The following KCTD3 variants were observed in gnomAD, a reference collection of about 807,000 sequenced individuals.
KCTD3 encodes BTB/POZ domain-containing protein KCTD3.
A neutral mutation model predicts 85.8 loss-of-function variants in KCTD3; 41 were observed. That is an observed-to-expected ratio of 0.48 (90% CI 0.37 to 0.62). The LOEUF (loss-of-function observed/expected upper bound fraction) is 0.62. KCTD3 is among the 20% of genes least tolerant of loss of function. The pLI is 0.00. For synonymous variants in KCTD3, 338 were observed against 345.4 expected, an observed-to-expected ratio of 0.98 and a Z score of 0.24; for missense variants, 724 against 989.9, an observed-to-expected ratio of 0.73 and a Z score of 3.60.
intron 8 of KCTD3, among the ~76,000 whole-genome samples, chr1:215,584,431 A>G (rs1250341606): frequency 6.6e-6 from 1 of 152,196 alleles, no homozygotes; most frequent in African/African-American, 2.4e-5. Context: ...ATTGACTTTG[A>G]TAGAACTTTG....
chr1:215,587,051 A>G (rs1424744799), intron 9 of KCTD3, among the ~76,000 whole-genome samples: 1 of 152,042 alleles, frequency 6.6e-6, no homozygotes, highest in African/African-American at 2.4e-5. Context: ...GACATTCCCA[A>G]ACTTTTTGGT....
At chr1:215,601,189 G>A (rs985165236) in intron 10 of KCTD3, among the ~76,000 whole-genome samples, 5 of 142,460 alleles carry the variant, frequency 3.5e-5, no homozygotes, top group Non-Finnish European at 7.4e-5. Flanking sequence ...TGCCTGCCTC[G>A]GCAGGTTTCT....
intron 9 of KCTD3, among the ~76,000 whole-genome samples, chr1:215,590,426 CT>C (rs1423156404): frequency 1.3e-5 from 2 of 152,058 alleles, no homozygotes; most frequent in Non-Finnish European, 2.9e-5. Context: ...CTGTACCTGT[CT>C]CCCTTCCTCT....
At chr1:215,585,329 A>C (rs1435209023) in intron 8 of KCTD3, among the ~76,000 whole-genome samples, 1 of 152,176 alleles carries the variant, frequency 6.6e-6, no homozygotes, top group Non-Finnish European at 1.5e-5. Context: ...ATTTTTCTCT[A>C]TTGCTTTGAA....
rs566097583 is a variant in KCTD3, at chr1:215,608,051, A to G, written c.1344A>G (p.Thr448=). ...ATAATAATCATGTCCGGACGTGGAC[A>G]GTAACACGATTCAGAGGAATGATCT... ...CADNNHVRTW[T]VTRFRGMIST... Residue 448 remains threonine, a synonymous_variant, in exon 14 of 18, where the codon ACA becomes ACG. Coordinates refer to ENST00000259154, the MANE Select transcript of KCTD3 (RefSeq NM_016121.5). 2 of 1,611,918 alleles carry G rather than the reference A, an allele frequency of 1.2e-6. No homozygotes were observed. Among genetic ancestry groups the G allele is most frequent in the African/African-American group, 1.3e-5 (1 of 74,938 alleles).
intron 8 of KCTD3, among the ~76,000 whole-genome samples, chr1:215,583,431 G>A (rs550789714): frequency 1.3e-5 from 2 of 152,324 alleles, no homozygotes; most frequent in African/African-American, 4.8e-5. Context: ...AGCGTATAAT[G>A]AGCAGTGAGG....
intron 15 of KCTD3, among the ~76,000 whole-genome samples, chr1:215,616,171 G>A (rs192246985): frequency 4.9e-4 from 74 of 152,256 alleles, no homozygotes; most frequent in African/African-American, 1.7e-3. Context: ...GCTTCTGAGG[G>A]TATTTTCTGA....
intron 9 of KCTD3, among the ~76,000 whole-genome samples, chr1:215,592,686 G>T (rs1049029122): frequency 6.6e-6 from 1 of 152,154 alleles, no homozygotes; most frequent in Non-Finnish European, 1.5e-5. Flanking sequence ...TGTAAAAGGA[G>T]CCATTTGTTG....
chr1:215,620,481 C>T lies in KCTD3; in HGVS notation c.2311C>T (p.Pro771Ser), dbSNP rs1655628596. ...AGGATTCCTTGGAAGAAAGAAAGTT[C>T]CCTATCTGGCGTCATCACCAAGTAC... ...GGGFLGRKKV[P>S]YLASSPSTSD... The change falls in exon 18 of 18, where the codon CCC becomes TCC. Residue 771 changes from proline (P) to serine (S), a missense_variant. Physicochemically the swap from Pro to Ser is moderately conservative, Grantham distance 74 (BLOSUM62 -1). This residue lies in a region of KCTD3 where 222 missense variants were observed against 217.7 expected (regional missense o/e 1.02). Transcript: ENST00000259154. The T allele has an allele frequency of 1.1e-5, 18 of 1,613,606 alleles. No homozygotes were observed. Among genetic ancestry groups the T allele is most frequent in the Non-Finnish European group, 1.5e-5 (18 of 1,179,594 alleles).
chr1:215,580,302 TATATAATG>T (rs1203000504), intron 8 of KCTD3, among the ~76,000 whole-genome samples: 1 of 152,206 alleles, frequency 6.6e-6, no homozygotes, highest in Admixed American at 6.5e-5. Context: ...GAGACTGTAG[TATATAATG>T]ATGTTAGACA....
chr1:215,590,932 C>T (rs1660181618), intron 9 of KCTD3, among the ~76,000 whole-genome samples: 1 of 152,124 alleles, frequency 6.6e-6, no homozygotes, highest in Admixed American at 6.5e-5. Context: ...GAGCTTTGTT[C>T]TGGCAGGCAA....
intron 9 of KCTD3, among the ~76,000 whole-genome samples, chr1:215,591,868 C>G (rs192216690): frequency 1.3e-4 from 20 of 152,282 alleles, no homozygotes; most frequent in Admixed American, 1.3e-3. Context: ...TCCGTTTTCA[C>G]ACTGCTGATA....
chr1:215,587,123 C>CT (rs968325742), intron 9 of KCTD3, among the ~76,000 whole-genome samples: 2 of 150,508 alleles, frequency 1.3e-5, no homozygotes, highest in Admixed American at 6.6e-5. Flanking sequence ...AGGTTATTTT[C>CT]TTTTTTTTCC....
chr1:215,574,067 T>A lies in KCTD3; in HGVS notation c.138-6T>A. 4 of 1,583,986 alleles carry A rather than the reference T, an allele frequency of 2.5e-6. No homozygotes were observed. The highest frequency in any genetic ancestry group is 3.5e-6 in the Non-Finnish European group (4 of 1,158,102). The stretch of plus-strand genomic sequence containing the variant: ...AAACTAACTTTAGATTATTAATGAC[T>A]TCCAGTTTGCTGAGTGGGAGAATTT... On this transcript the variant is annotated splice_region_variant and splice_polypyrimidine_tract_variant and intron_variant, in intron 2 of 17. Transcript: ENST00000259154.
At position 215,608,135 on chromosome 1, in the gene KCTD3, A is replaced by G; in HGVS notation, c.1428A>G (p.Thr476=). Residue 476 remains threonine (T), a synonymous_variant, in exon 14 of 18, where the codon ACA becomes ACG. Coordinates refer to ENST00000259154, the MANE Select transcript of KCTD3 (RefSeq NM_016121.5). The stretch of plus-strand genomic sequence containing the variant: ...TCAAGATACTATCCCTGGAGGAGAC[A>G]GAAAGTCATGGTAGCTATTCCTCTG... ...ASFKILSLEE[T]ESHGSYSSGN... 1 of 1,611,568 alleles carries G rather than the reference A, an allele frequency of 6.2e-7. No homozygotes were observed. The highest frequency in any genetic ancestry group is 1.3e-5 in the African/African-American group (1 of 74,924).
intron 8 of KCTD3, among the ~76,000 whole-genome samples, chr1:215,583,981 A>T (rs1481112526): frequency 1.3e-5 from 2 of 152,248 alleles, no homozygotes; most frequent in Admixed American, 1.3e-4. Context: ...AAGTAAAATT[A>T]TCCCAAGTAA....
chr1:215,597,260 CTT>C (rs941776283), intron 10 of KCTD3, among the ~76,000 whole-genome samples: 4 of 150,378 alleles, frequency 2.7e-5, no homozygotes, highest in African/African-American at 9.8e-5. Context: ...GTTTCAGTTT[CTT>C]GTTTCCTTTT....
intron 10 of KCTD3, among the ~76,000 whole-genome samples, chr1:215,595,894 G>A (rs552581878): frequency 1.3e-5 from 2 of 152,092 alleles, no homozygotes; most frequent in Non-Finnish European, 2.9e-5. Context: ...GATTCTTAAA[G>A]GAAAGAGGAA....
rs200921370 is a variant in KCTD3 at position 215,573,760 on chromosome 1, T to C, written c.84-26T>C. On this transcript the variant is annotated intron_variant, in intron 1 of 17. Transcript: ENST00000259154. ...AAATTTCAAATCATGTTCTCACTTATAATACCAGATGATTTTTAATTGCAG... is the reference window on the plus strand; with the variant it reads ...AAATTTCAAATCATGTTCTCACTTACAATACCAGATGATTTTTAATTGCAG... The C allele has an allele frequency of 8.6e-5, 121 of 1,402,244 alleles. No individual in the cohort carries two copies. The African/African-American group carries it at 1.5e-3, about 17-fold the overall frequency. The allele number at this position is 1,402,244 out of a possible 1,614,324, so 86.9% of individuals were successfully genotyped here. A position where few individuals can be genotyped will look rare whatever the true frequency, so the allele number is the denominator to read the frequency against.
Sources: allele counts gnomAD v4.1 joint callset (sites outside exome capture counted in the v4.1 genomes callset), GRCh38; gene constraint gnomAD v4.1.1; regional missense constraint gnomAD v4.1.1; transcripts MANE v1.5; gene names NCBI Gene and HGNC (gene_info 2026-07-23, HGNC 2026-07-21).